CABIN1: variants seen among roughly 807,000 people sequenced by gnomAD.
CABIN1 encodes the protein calcineurin binding protein 1.
A neutral mutation model predicts 227.7 loss-of-function variants in CABIN1; 133 were observed. That is an observed-to-expected ratio of 0.58 (90% CI 0.51 to 0.67). The LOEUF (loss-of-function observed/expected upper bound fraction) is 0.67, where lower values mean the gene tolerates loss of function less well. Among genes scored for constraint, CABIN1 ranks in the 30% least tolerant of loss-of-function variants. The pLI is 0.00. For synonymous variants in CABIN1, 1,086 were observed against 1,155.1 expected (o/e 0.94, Z 1.21); for missense variants, 2,408 against 2,852.5 (o/e 0.84, Z 3.55).
Position 24,167,186 on chromosome 22 carries a change from A to G in CABIN1, c.5555A>G (p.Asp1852Gly), listed in dbSNP as rs761936679. ...RLSRKRKLLE[D>G]TESGKTLLLD... ...AGCCGCAAGAGGAAGCTCCTGGAGG[A>G]CACAGAGTCAGGCAAGACACTTCTG... The change falls in exon 32 of 37, where the codon GAC becomes GGC. Residue 1852 changes from aspartate (D) to glycine (G), a missense_variant. By Grantham distance (94) the Asp-to-Gly change is moderately conservative. This residue lies in a region of CABIN1 where 714 missense variants were observed against 773.8 expected (regional missense o/e 0.92). Transcript: ENST00000263119. The G allele has an allele frequency of 5.0e-6, 8 of 1,611,446 alleles. No individual in the cohort carries two copies. The highest frequency in any genetic ancestry group is 6.8e-6 in the Non-Finnish European group (8 of 1,179,640).
chr22:24,146,592 G>T (rs1174662744), intron 29 of CABIN1, among the ~76,000 whole-genome samples: 3 of 152,212 alleles, frequency 2.0e-5, no homozygotes, highest in Admixed American at 1.3e-4. Flanking sequence ...CAGGGACAAG[G>T]CCACAGGTTA....
chr22:24,073,978 G>A (rs970415446), intron 18 of CABIN1, among the ~76,000 whole-genome samples: 7 of 151,010 alleles, frequency 4.6e-5, no homozygotes, highest in African/African-American at 9.8e-5. Context: ...GGGTCATGCC[G>A]TGATGAACAC....
chr22:24,141,033 A>G (rs1366328455), intron 29 of CABIN1, among the ~76,000 whole-genome samples: 1 of 152,198 alleles, frequency 6.6e-6, no homozygotes, highest in Non-Finnish European at 1.5e-5. Context: ...ATCATCACAC[A>G]CTTGGCATGC....
chr22:24,080,320 C>A (rs1053732290), intron 19 of CABIN1, among the ~76,000 whole-genome samples: 1 of 152,148 alleles, frequency 6.6e-6, no homozygotes, highest in African/African-American at 2.4e-5. Flanking sequence ...GTAGGGTTAA[C>A]CTACTCACGT....
At chr22:24,111,169 T>C (rs2042787470) in intron 26 of CABIN1, among the ~76,000 whole-genome samples, 2 of 152,194 alleles carry the variant, frequency 1.3e-5, no homozygotes, top group African/African-American at 4.8e-5. Context: ...TGAAATTAAG[T>C]CAGAAATGCA....
chr22:24,135,782 T>C (rs527512404), intron 29 of CABIN1, among the ~76,000 whole-genome samples: 1 of 152,202 alleles, frequency 6.6e-6, no homozygotes, highest in African/African-American at 2.4e-5. Context: ...GAACAGGAGC[T>C]GAGGAGAGCA....
intron 29 of CABIN1, among the ~76,000 whole-genome samples, chr22:24,142,275 A>T (rs1291072192): frequency 1.3e-5 from 2 of 152,152 alleles, no homozygotes; most frequent in African/African-American, 4.8e-5. Flanking sequence ...CAGGGACCTC[A>T]TCTAGGACAG....
In CABIN1 at chr22:24,076,267, G is replaced by A. The variant is rs768110761; in HGVS notation, c.2731G>A (p.Ala911Thr). The change falls in exon 19 of 37, where the codon GCT becomes ACT. Residue 911 changes from alanine (A) to threonine (T), a missense_variant. This residue lies in a region of CABIN1 where 1,045 missense variants were observed against 1,168.4 expected (regional missense o/e 0.89). Transcript: ENST00000263119. ...GTCCTGGTGCTGCAATTCAGATGGG[G>A]CTCTGCTGCGATTCTATGTAAGTGC... ...RRSWCCNSDG[A>T]LLRFYVRVLQ... 3.1e-6 allele frequency: 5 copies of A among 1,613,888 alleles called. No individual in the cohort carries two copies. Among genetic ancestry groups the A allele is most frequent in the African/African-American group, 2.7e-5 (2 of 74,926 alleles).
chr22:24,155,764 C>G (rs1204850740), intron 29 of CABIN1: 1 of 381,462 alleles, frequency 2.6e-6, no homozygotes, highest in Admixed American at 4.7e-5. Flanking sequence ...GCCATCCCGG[C>G]CTGCCGCACT....
At chr22:24,021,235 G>T (rs1245464817) in intron 1 of CABIN1, among the ~76,000 whole-genome samples, 1 of 151,456 alleles carries the variant, frequency 6.6e-6, no homozygotes, top group East Asian at 1.9e-4. Context: ...GCCCAGGGTG[G>T]TCTCGGACTC....
intron 6 of CABIN1, among the ~76,000 whole-genome samples, chr22:24,044,526 A>G (rs891835053): frequency 2.6e-5 from 4 of 152,174 alleles, no homozygotes; most frequent in Non-Finnish European, 5.9e-5. Context: ...AGAATTTTCT[A>G]AATCTTTTAA....
At chr22:24,145,410 G>A (rs1454959162) in intron 29 of CABIN1, among the ~76,000 whole-genome samples, 1 of 152,236 alleles carries the variant, frequency 6.6e-6, no homozygotes, top group Non-Finnish European at 1.5e-5. Flanking sequence ...GATGTAGGTA[G>A]TGCCATTGTC....
chr22:24,123,465 T>A (rs2043539745), intron 28 of CABIN1, among the ~76,000 whole-genome samples: 1 of 152,130 alleles, frequency 6.6e-6, no homozygotes, highest in Admixed American at 6.5e-5. Flanking sequence ...GGGTCTAGGG[T>A]GGTTCCCATT....
At chr22:24,109,207 A>G (rs1299997639) in intron 26 of CABIN1, among the ~76,000 whole-genome samples, 1 of 151,022 alleles carries the variant, frequency 6.6e-6, no homozygotes, top group African/African-American at 2.4e-5. Context: ...TTTTTGAAAC[A>G]ACTTTATATT....
At chr22:24,112,550 T>A (rs1437919398) in intron 26 of CABIN1, among the ~76,000 whole-genome samples, 1 of 152,112 alleles carries the variant, frequency 6.6e-6, no homozygotes, top group Non-Finnish European at 1.5e-5. Flanking sequence ...TGCAGTAGAC[T>A]CCCTTGCTTG....
At chr22:24,107,711 C>T (rs762055795) in intron 26 of CABIN1, among the ~76,000 whole-genome samples, 22 of 152,170 alleles carry the variant, frequency 1.4e-4, no homozygotes, top group African/African-American at 2.2e-4. Flanking sequence ...TTGCCTAAAC[C>T]AATCCTTAGT....
At chr22:24,105,211 A>G (rs1000098499) in intron 26 of CABIN1, among the ~76,000 whole-genome samples, 3 of 152,140 alleles carry the variant, frequency 2.0e-5, no homozygotes, top group African/African-American at 7.2e-5. Context: ...GCCAGCTGTC[A>G]TTCCTTTACA....
intron 4 of CABIN1, among the ~76,000 whole-genome samples, chr22:24,040,138 T>C (rs1451040993): frequency 6.6e-6 from 1 of 152,218 alleles, no homozygotes; most frequent in Non-Finnish European, 1.5e-5. Flanking sequence ...CCACTATTCT[T>C]TGAAGAGTTC....
At chr22:24,150,136 G>A (rs1340765066) in intron 29 of CABIN1, among the ~76,000 whole-genome samples, 1 of 152,244 alleles carries the variant, frequency 6.6e-6, no homozygotes, top group Non-Finnish European at 1.5e-5. Context: ...ACAGTGGTAA[G>A]AGGGAGGGCT....
Sources: gnomAD v4.1 joint callset for allele counts (sites outside exome capture counted in the v4.1 genomes callset) on GRCh38, gnomAD v4.1.1 for gene constraint, gnomAD v4.1.1 regional missense constraint, MANE v1.5 for transcripts, NCBI Gene and HGNC (gene_info 2026-07-23, HGNC 2026-07-21) for gene names.